CTIF: variants seen among roughly 807,000 people sequenced by gnomAD.
The protein encoded by CTIF is CBP80/20-dependent translation initiation factor.
Under a neutral mutation model 66.0 loss-of-function variants are expected in CTIF, and 21 were observed. The ratio of observed to expected loss-of-function variants is 0.32; its 90% CI spans 0.23 to 0.46. The LOEUF (loss-of-function observed/expected upper bound fraction) is 0.46, where lower values mean the gene tolerates loss of function less well. CTIF is among the 20% of genes least tolerant of loss of function. CTIF has a pLI of 1.00. For missense variants in CTIF, 739 were observed against 812.7 expected, an observed-to-expected ratio of 0.91 and a Z score of 1.10; for synonymous variants, 345 against 326.4, an observed-to-expected ratio of 1.06 and a Z score of -0.62.
intron 10 of CTIF, among the ~76,000 whole-genome samples, chr18:48,839,382 T>C (rs2068886305): frequency 6.6e-6 from 1 of 152,192 alleles, no homozygotes; most frequent in Non-Finnish European, 1.5e-5. Flanking sequence ...AGAACAGTTC[T>C]TCCCGTCACT....
At chr18:48,584,692 G>A (rs1253580645) in intron 1 of CTIF, among the ~76,000 whole-genome samples, 1 of 152,178 alleles carries the variant, frequency 6.6e-6, no homozygotes, top group Non-Finnish European at 1.5e-5. Context: ...TCCTCTGACT[G>A]TCTGCCCACC....
At chr18:48,728,872 GGACTAAACAAGA>G in intron 7 of CTIF, among the ~76,000 whole-genome samples, 1 of 152,258 alleles carries the variant, frequency 6.6e-6, no homozygotes. Context: ...ATGTGGCAAG[GGACTAAACAAGA>G]GTTTGAGTGT....
intron 10 of CTIF, among the ~76,000 whole-genome samples, chr18:48,847,508 G>T (rs999826379): frequency 1.2e-4 from 19 of 152,264 alleles, no homozygotes; most frequent in Admixed American, 9.1e-4. Context: ...CAATTAAGCA[G>T]ATATGATAAT....
Position 48,619,466 on chromosome 18 carries a change from G to C in CTIF, c.-28-72G>C, listed in dbSNP as rs1386367489. 4.1e-6 allele frequency: 4 copies of C among 978,608 alleles called. No homozygotes were observed. The African/African-American group carries it at 5.0e-5, about 12-fold the overall frequency. The allele number at this position is 978,608 out of a possible 1,614,324, so 60.6% of individuals were successfully genotyped here. A position where few individuals can be genotyped will look rare whatever the true frequency, so the allele number is the denominator to read the frequency against. On this transcript the variant is annotated intron_variant, in intron 1 of 11. Transcript: ENST00000256413. ...GAAGATGCTTCCAGGAGCAGAGGGT[G>C]TTTCTCAGGTGTGGGCATCGTCGTC...
At chr18:48,799,740 C>A (rs2068009170) in intron 9 of CTIF, among the ~76,000 whole-genome samples, 2 of 152,210 alleles carry the variant, frequency 1.3e-5, no homozygotes, top group South Asian at 4.1e-4. Flanking sequence ...CCTGGGGTTG[C>A]CACTGCCTTG....
At chr18:48,820,982 G>C (rs2068472221) in intron 10 of CTIF, among the ~76,000 whole-genome samples, 1 of 152,202 alleles carries the variant, frequency 6.6e-6, no homozygotes, top group Admixed American at 6.5e-5. Context: ...CCTCAGCCTG[G>C]AGGACACCCA....
chr18:48,585,878 A>G (rs2089756953), intron 1 of CTIF, among the ~76,000 whole-genome samples: 1 of 152,166 alleles, frequency 6.6e-6, no homozygotes, highest in Non-Finnish European at 1.5e-5. Context: ...TGTTTCATAT[A>G]GATTCTTTTC....
At chr18:48,645,584 A>G (rs921490142) in intron 3 of CTIF, among the ~76,000 whole-genome samples, 4 of 152,178 alleles carry the variant, frequency 2.6e-5, no homozygotes, top group African/African-American at 4.8e-5. Flanking sequence ...GTCCCCGCCA[A>G]CTGGTGAGAA....
intron 6 of CTIF, among the ~76,000 whole-genome samples, chr18:48,695,032 C>G (rs1186363580): frequency 2.0e-5 from 3 of 152,196 alleles, no homozygotes; most frequent in African/African-American, 7.2e-5. Context: ...TTTGACCACA[C>G]ACTTGTCAGG....
chr18:48,746,920 A>G (rs2092601155), intron 7 of CTIF, among the ~76,000 whole-genome samples: 1 of 152,022 alleles, frequency 6.6e-6, no homozygotes, highest in South Asian at 2.1e-4. Context: ...TCCTCCAGGA[A>G]GCCCTCCCTA....
At chr18:48,681,674 A>G (rs1337348859) in intron 6 of CTIF, among the ~76,000 whole-genome samples, 2 of 152,178 alleles carry the variant, frequency 1.3e-5, no homozygotes, top group East Asian at 3.9e-4. Context: ...CTGTGCTCTC[A>G]GCTTGGTGAC....
intron 10 of CTIF, among the ~76,000 whole-genome samples, chr18:48,843,718 A>T (rs749354720): frequency 6.6e-6 from 1 of 152,088 alleles, no homozygotes; most frequent in African/African-American, 2.4e-5. Context: ...AGTGGAAAGG[A>T]TGCTTTTACT....
intron 9 of CTIF, among the ~76,000 whole-genome samples, chr18:48,780,689 C>T (rs1237008743): frequency 6.6e-6 from 1 of 152,230 alleles, no homozygotes; most frequent in Non-Finnish European, 1.5e-5. Context: ...CTGTCTCAGC[C>T]ACTCTCCCAG....
intron 6 of CTIF, among the ~76,000 whole-genome samples, chr18:48,694,817 C>T (rs1351479666): frequency 1.3e-5 from 2 of 152,148 alleles, no homozygotes; most frequent in African/African-American, 4.8e-5. Flanking sequence ...AAGTTGGAGT[C>T]GATTGTCTAA....
intron 6 of CTIF, among the ~76,000 whole-genome samples, chr18:48,675,768 A>T (rs890415557): frequency 6.6e-6 from 1 of 152,178 alleles, no homozygotes; most frequent in African/African-American, 2.4e-5. Context: ...ACGGGGCTGC[A>T]GGGGAACACC....
intron 3 of CTIF, among the ~76,000 whole-genome samples, chr18:48,649,673 T>C (rs1354987794): frequency 6.6e-6 from 1 of 152,190 alleles, no homozygotes; most frequent in African/African-American, 2.4e-5. Flanking sequence ...GACCCTTGTA[T>C]AGCCTAACTG....
intron 9 of CTIF, among the ~76,000 whole-genome samples, chr18:48,772,738 A>G (rs1021147106): frequency 2.0e-5 from 3 of 152,146 alleles, no homozygotes; most frequent in African/African-American, 7.2e-5. Flanking sequence ...TTATCTGTCA[A>G]TGGGCACTTG....
chr18:48,743,757 T>A (rs2092573249), intron 7 of CTIF, among the ~76,000 whole-genome samples: 3 of 152,242 alleles, frequency 2.0e-5, no homozygotes, highest in African/African-American at 7.2e-5. Context: ...AATAACTTCT[T>A]TATCTGGTAG....
chr18:48,607,717 G>A (rs1005680047), intron 1 of CTIF, among the ~76,000 whole-genome samples: 2 of 152,132 alleles, frequency 1.3e-5, no homozygotes, highest in African/African-American at 4.8e-5. Flanking sequence ...CAGGAGCAGT[G>A]GGACATCCCT....
Sources: gnomAD v4.1 joint callset for allele counts (sites outside exome capture counted in the v4.1 genomes callset) on GRCh38, gnomAD v4.1.1 for gene constraint, MANE v1.5 for transcripts, NCBI Gene and HGNC (gene_info 2026-07-23, HGNC 2026-07-21) for gene names.